The following RBMS2 variants were observed in gnomAD, a reference collection of about 807,000 sequenced individuals.
The protein encoded by RBMS2 is RNA-binding motif, single-stranded-interacting protein 2.
RBMS2 carries 38 observed loss-of-function variants against 58.4 expected under a neutral mutation model. The observed-to-expected ratio is 0.65, with a 90% CI of 0.50 to 0.85. The LOEUF (loss-of-function observed/expected upper bound fraction) is 0.85. RBMS2 is among the 40% of genes least tolerant of loss of function. RBMS2 has a pLI of 0.00. For synonymous variants in RBMS2, 151 were observed against 180.7 expected (o/e 0.84, Z 1.32); for missense variants, 367 against 503.7 (o/e 0.73, Z 2.60).
At position 56,588,295 on chromosome 12, in the gene RBMS2, A is replaced by G. The variant is rs1310158451; in HGVS notation, c.1064A>G (p.Tyr355Cys). The G allele has an allele frequency of 6.2e-7, 1 of 1,613,232 alleles. No individual in the cohort carries two copies. Among genetic ancestry groups the G allele is most frequent in the Non-Finnish European group, 8.5e-7 (1 of 1,179,196 alleles). ...GCCTGTTGATGTTTCTCTTTCTAGT[A>G]TATGCCGACGGCTGCAGCTATGCAA... ...GHLSLSSTGTYMPTAAAMQGA... is the reference protein window; with the variant it reads ...GHLSLSSTGTCMPTAAAMQGA... The change falls in exon 12 of 14, where the codon TAT (tyrosine) becomes TGT (cysteine). Residue 355 changes from tyrosine (Y) to cysteine (C), a missense_variant and splice_region_variant. Coordinates refer to ENST00000262031, the MANE Select transcript of RBMS2 (RefSeq NM_002898.4).
chr12:56,549,057 G>A (rs565771322), intron 1 of RBMS2, among the ~76,000 whole-genome samples: 2 of 152,280 alleles, frequency 1.3e-5, no homozygotes, highest in East Asian at 3.9e-4. Flanking sequence ...CACCCAGGCT[G>A]GAATGATCTC....
intron 5 of RBMS2, among the ~76,000 whole-genome samples, chr12:56,573,732 A>C (rs1156404678): frequency 6.6e-6 from 1 of 151,166 alleles, no homozygotes; most frequent in East Asian, 1.9e-4. Context: ...CAATTTATTA[A>C]GTAACTGAAT....
chr12:56,587,771 G>A (rs1278163139), intron 11 of RBMS2, 107 bp downstream of exon 11: 14 of 1,393,092 alleles, frequency 1.0e-5, no homozygotes, highest in African/African-American at 2.9e-5. Flanking sequence ...TTACTTCAGT[G>A]TCATCCGGGG....
intron 2 of RBMS2, among the ~76,000 whole-genome samples, chr12:56,564,341 T>C (rs1450444569): frequency 6.6e-6 from 1 of 152,118 alleles, no homozygotes; most frequent in East Asian, 1.9e-4. Flanking sequence ...CCTGCATGGA[T>C]ACCAAAATTC....
Position 56,588,375 on chromosome 12 carries a change from G to A in RBMS2, c.1143+1G>A. On this transcript the variant is annotated splice_donor_variant, in intron 12 of 13. Coordinates refer to ENST00000262031, the MANE Select transcript of RBMS2 (RefSeq NM_002898.4). LOFTEE classifies it high-confidence loss of function. ...GCCTTCTTCCAGTGTTTCAGTCGAG[G>A]TAAGGGTGTTATCATTTCTTTGGAT... 6.2e-7 allele frequency: 1 copy of A among 1,609,228 alleles called. No homozygotes were observed. The highest frequency in any genetic ancestry group is 8.5e-7 in the Non-Finnish European group (1 of 1,175,762).
intron 5 of RBMS2, among the ~76,000 whole-genome samples, chr12:56,573,813 A>G (rs1468461952): frequency 1.4e-5 from 2 of 147,698 alleles, no homozygotes. Context: ...GCGTACCACC[A>G]CGCCTGGCTA....
At chr12:56,522,196 C>A in intron 1 of RBMS2, 107 bp downstream of exon 1, 1 of 868,454 alleles carries the variant, frequency 1.2e-6, no homozygotes, top group Non-Finnish European at 1.8e-6. Context: ...CTTCCTCTCT[C>A]AAGATTCCTA....
At position 56,596,068 on chromosome 12, in the gene RBMS2, T is replaced by C. The variant is rs1311904634; in HGVS notation, c.*6935T>C. On this transcript the variant is annotated 3_prime_UTR_variant, in exon 14 of 14. Transcript: ENST00000262031. ...CTTTTTAACCTTATTAAAAATGAGA[T>C]TGGTCCTAAAAATATAGAAAGAAAT... The C allele has an allele frequency of 6.5e-6, 1 of 152,702 alleles. No individual in the cohort carries two copies. The highest frequency in any genetic ancestry group is 2.4e-5 in the African/African-American group (1 of 41,472). 9.5% of individuals were successfully genotyped at this position (152,702 alleles called of 1,614,324 possible).
chr12:56,581,489 G>A lies in RBMS2; in HGVS notation c.713G>A (p.Trp238Ter). 1.2e-6 allele frequency: 2 copies of A among 1,614,178 alleles called. No individual in the cohort carries two copies. The highest frequency in any genetic ancestry group is 1.7e-6 in the Non-Finnish European group (2 of 1,180,034). ...AAATTTGTGCAAAATGGACGGGCTT[G>A]GCCAAGGAATGCAGACATGGTAAGA... Reference protein sequence around the residue: ...QGKFVQNGRAWPRNADMGVMA... With the variant: ...QGKFVQNGRA Residue 238 changes from tryptophan to a stop codon, truncating the protein, a stop_gained, in exon 7 of 14, where the codon TGG becomes TAG. Coordinates refer to ENST00000262031, the MANE Select transcript of RBMS2 (RefSeq NM_002898.4). LOFTEE classifies it high-confidence loss of function.
In RBMS2 at chr12:56,581,822, T is replaced by C. The variant is rs780557551; in HGVS notation, c.733-11T>C. ...GGCTCACAATGTGAACACTGTGTTCTTTCTTTATAGGGCGTCATGGCCTTG... is the reference window on the plus strand; with the variant it reads ...GGCTCACAATGTGAACACTGTGTTCCTTCTTTATAGGGCGTCATGGCCTTG... On this transcript the variant is annotated splice_polypyrimidine_tract_variant and intron_variant, in intron 7 of 13. Transcript: ENST00000262031. The C allele has an allele frequency of 3.1e-6, 5 of 1,614,022 alleles. No homozygotes were observed. The African/African-American group carries it at 5.3e-5, about 17-fold the overall frequency.
At chr12:56,555,593 C>T (rs562781824) in intron 1 of RBMS2, among the ~76,000 whole-genome samples, 27 of 151,588 alleles carry the variant, frequency 1.8e-4, no homozygotes, top group Admixed American at 1.6e-3. Flanking sequence ...CGCCTCTATG[C>T]ATTTTATTTT....
At chr12:56,551,540 G>A (rs1878270616) in intron 1 of RBMS2, among the ~76,000 whole-genome samples, 1 of 152,140 alleles carries the variant, frequency 6.6e-6, no homozygotes, top group African/African-American at 2.4e-5. Context: ...CAACATTAAT[G>A]GGTTTATATA....
intron 1 of RBMS2, among the ~76,000 whole-genome samples, chr12:56,548,849 T>C (rs994329966): frequency 2.0e-5 from 3 of 152,180 alleles, no homozygotes; most frequent in Non-Finnish European, 4.4e-5. Flanking sequence ...AGATGTGGGA[T>C]TGAGTTTTCT....
chr12:56,545,637 G>A (rs914969294), intron 1 of RBMS2, among the ~76,000 whole-genome samples: 4 of 152,156 alleles, frequency 2.6e-5, no homozygotes, highest in Middle Eastern at 3.4e-3. Flanking sequence ...TATATCTATA[G>A]ATTGCCCTAT....
intron 13 of RBMS2, 57 bp downstream of exon 13, chr12:56,589,075 C>G (rs1329245137): frequency 6.2e-7 from 1 of 1,612,584 alleles, no homozygotes; most frequent in Non-Finnish European, 8.5e-7. Context: ...GCAGCTCAGC[C>G]CGGCCTGAAG....
chr12:56,578,950 C>T (rs1402057900), intron 5 of RBMS2, among the ~76,000 whole-genome samples: 1 of 151,978 alleles, frequency 6.6e-6, no homozygotes, highest in Admixed American at 6.6e-5. Context: ...GGCAACAGAG[C>T]GAGACTCCAT....
At chr12:56,538,611 A>G (rs1875439214) in intron 1 of RBMS2, among the ~76,000 whole-genome samples, 1 of 150,924 alleles carries the variant, frequency 6.6e-6, no homozygotes, top group Non-Finnish European at 1.5e-5. Flanking sequence ...CCTCCTGAGT[A>G]GCTGGGATTA....
chr12:56,590,989 G>A lies in RBMS2; in HGVS notation c.*1856G>A, dbSNP rs1026860569. The A allele has an allele frequency of 6.6e-6, 1 of 152,114 alleles. No individual in the cohort carries two copies. The highest frequency in any genetic ancestry group is 2.4e-5 in the African/African-American group (1 of 41,408). 9.4% of individuals were successfully genotyped at this position (152,114 alleles called of 1,614,324 possible). A position where few individuals can be genotyped will look rare whatever the true frequency, so the allele number is the denominator to read the frequency against. ...AGTCCTTTAAAAAAGCCTATGTCTT[G>A]GTCTTTAACTGTCCCCTTCTGCAAG... is the stretch of plus-strand genomic sequence containing the variant. On this transcript the variant is annotated 3_prime_UTR_variant, in exon 14 of 14. Coordinates refer to ENST00000262031, the MANE Select transcript of RBMS2 (RefSeq NM_002898.4).
At chr12:56,526,373 A>G (rs1360462004) in intron 1 of RBMS2, among the ~76,000 whole-genome samples, 1 of 152,044 alleles carries the variant, frequency 6.6e-6, no homozygotes, top group African/African-American at 2.4e-5. Context: ...TTATTTTGAA[A>G]TACATACTTC....
Sources: allele counts gnomAD v4.1 joint callset (sites outside exome capture counted in the v4.1 genomes callset), GRCh38; gene constraint gnomAD v4.1.1; transcripts MANE v1.5; gene names NCBI Gene and HGNC (gene_info 2026-07-23, HGNC 2026-07-21).